The following SNTG1 variants were observed in gnomAD, a reference collection of about 807,000 sequenced individuals.
The protein encoded by SNTG1 is syntrophin gamma 1, also known as gamma-1-syntrophin.
A neutral mutation model predicts 74.7 loss-of-function variants in SNTG1; 39 were observed. The observed-to-expected ratio is 0.52, with a 90% CI of 0.40 to 0.68. The LOEUF (loss-of-function observed/expected upper bound fraction) is 0.68, where lower values mean the gene tolerates loss of function less well. Among genes scored for constraint, SNTG1 ranks in the 30% least tolerant of loss-of-function variants. SNTG1 has a pLI of 0.00. For missense variants in SNTG1, 685 were observed against 609.5 expected (o/e 1.12, Z -1.30); for synonymous variants, 254 against 217.1 (o/e 1.17, Z -1.49).
rs2095701063 is a variant in SNTG1 at position 50,794,873 on chromosome 8, T to A, written c.*2044T>A. 1 of 152,052 alleles carries A rather than the reference T, an allele frequency of 6.6e-6. No homozygotes were observed. Among genetic ancestry groups the A allele is most frequent in the Non-Finnish European group, 1.5e-5 (1 of 67,958 alleles). The allele number at this position is 152,052 out of a possible 1,614,324, so 9.4% of individuals were successfully genotyped here. On this transcript the variant is annotated 3_prime_UTR_variant, in exon 19 of 19. Transcript: ENST00000642720. ...TAGAATGATTTAAAAATTGTGAAAT[T>A]TTGTAAACGTTCCATTTTAGAATTT... is the stretch of plus-strand genomic sequence containing the variant.
At chr8:50,493,348 G>A (rs2093875377) in intron 8 of SNTG1, among the ~76,000 whole-genome samples, 1 of 152,178 alleles carries the variant, frequency 6.6e-6, no homozygotes, top group African/African-American at 2.4e-5. Flanking sequence ...GAGCTTTTGA[G>A]AGGCTGACTT....
At chr8:50,394,921 T>A (rs4376507) in intron 3 of SNTG1, among the ~76,000 whole-genome samples, 139,779 of 151,264 alleles carry the variant, frequency 0.92, 65,161 homozygotes, top group Non-Finnish European at 1. Flanking sequence ...ATACAAATAC[T>A]TGCAGCTTAA....
At chr8:50,701,855 T>C (rs997898711) in intron 15 of SNTG1, among the ~76,000 whole-genome samples, 2 of 150,220 alleles carry the variant, frequency 1.3e-5, no homozygotes, top group African/African-American at 4.9e-5. Flanking sequence ...TCCCTCTTCT[T>C]CTTCCTCTTT....
At chr8:49,980,849 TCA>T (rs1812614411) in intron 1 of SNTG1, among the ~76,000 whole-genome samples, 1 of 152,346 alleles carries the variant, frequency 6.6e-6, no homozygotes, top group African/African-American at 2.4e-5. Flanking sequence ...AGGGGTTCAT[TCA>T]CAGACTGTAC....
At chr8:50,477,513 A>G (rs2093706349) in intron 8 of SNTG1, among the ~76,000 whole-genome samples, 1 of 152,210 alleles carries the variant, frequency 6.6e-6, no homozygotes, top group South Asian at 2.1e-4. Flanking sequence ...ATCTGGAGAA[A>G]TTGTCAAATC....
At chr8:50,790,325 T>C (rs1198583127) in intron 18 of SNTG1, among the ~76,000 whole-genome samples, 1 of 151,986 alleles carries the variant, frequency 6.6e-6, no homozygotes, top group Non-Finnish European at 1.5e-5. Flanking sequence ...AGGAAGCATT[T>C]GGTATTTTAT....
At chr8:50,314,430 A>T (rs1366425518) in intron 2 of SNTG1, among the ~76,000 whole-genome samples, 3 of 149,630 alleles carry the variant, frequency 2.0e-5, no homozygotes, top group Admixed American at 1.4e-4. Flanking sequence ...CTTAGCCTTT[A>T]AAAAAAGTCC....
chr8:50,329,631 G>A (rs1041056606), intron 2 of SNTG1, among the ~76,000 whole-genome samples: 8 of 151,976 alleles, frequency 5.3e-5, no homozygotes, highest in African/African-American at 1.9e-4. Flanking sequence ...CAGCAGCCAG[G>A]TCCTGGGCCT....
At chr8:50,709,022 C>A in intron 17 of SNTG1, 44 bp downstream of exon 17, 1 of 1,374,786 alleles carries the variant, frequency 7.3e-7, no homozygotes, top group Non-Finnish European at 1.0e-6. Context: ...TGCAAACATT[C>A]TAATTGAAGA....
intron 18 of SNTG1, among the ~76,000 whole-genome samples, chr8:50,779,524 G>A (rs1397068290): frequency 1.3e-5 from 2 of 150,800 alleles, no homozygotes; most frequent in Non-Finnish European, 2.9e-5. Context: ...TGGTGTATAA[G>A]AATGCTTGTG....
intron 2 of SNTG1, among the ~76,000 whole-genome samples, chr8:50,343,955 T>C (rs2130953131): frequency 6.6e-6 from 1 of 151,002 alleles, no homozygotes; most frequent in African/African-American, 2.4e-5. Flanking sequence ...ATGGCTGGTG[T>C]TAGTCATCTG....
At chr8:50,572,070 T>TA (rs1226275609) in intron 12 of SNTG1, among the ~76,000 whole-genome samples, 1 of 152,076 alleles carries the variant, frequency 6.6e-6, no homozygotes, top group African/African-American at 2.4e-5. Context: ...CACCTGTGAC[T>TA]AAAAGTAATA....
intron 18 of SNTG1, among the ~76,000 whole-genome samples, chr8:50,769,014 C>G (rs1302291277): frequency 6.6e-6 from 1 of 151,912 alleles, no homozygotes; most frequent in Non-Finnish European, 1.5e-5. Context: ...AGATTTTAAA[C>G]TCCTGGGAAT....
intron 2 of SNTG1, among the ~76,000 whole-genome samples, chr8:50,306,849 T>G (rs540794426): frequency 2.8e-4 from 42 of 152,152 alleles, no homozygotes; most frequent in African/African-American, 9.4e-4. Context: ...TCTTTATTCT[T>G]ATGATTATTT....
chr8:50,539,846 C>CAGGT (rs2094333988), intron 11 of SNTG1, among the ~76,000 whole-genome samples: 1 of 152,152 alleles, frequency 6.6e-6, no homozygotes, highest in South Asian at 2.1e-4. Flanking sequence ...TGGATTTGGG[C>CAGGT]AGGTATTGCC....
intron 12 of SNTG1, among the ~76,000 whole-genome samples, chr8:50,554,919 T>A (rs547004914): frequency 3.8e-4 from 56 of 146,152 alleles, no homozygotes; most frequent in African/African-American, 1.5e-3. Context: ...AATCCAAAGT[T>A]TTTTTTCCTT....
At chr8:50,160,266 G>A (rs1204385695) in intron 1 of SNTG1, among the ~76,000 whole-genome samples, 1 of 152,114 alleles carries the variant, frequency 6.6e-6, no homozygotes, top group East Asian at 1.9e-4. Flanking sequence ...CATAAACGTT[G>A]TTACAGCAAA....
chr8:49,958,329 G>A (rs750000612), intron 1 of SNTG1, among the ~76,000 whole-genome samples: 7 of 152,164 alleles, frequency 4.6e-5, no homozygotes, highest in Non-Finnish European at 7.3e-5. Context: ...AATAGGGAGT[G>A]AAAGGACATC....
chr8:50,193,815 G>A (rs2083665693), intron 2 of SNTG1, among the ~76,000 whole-genome samples: 1 of 152,084 alleles, frequency 6.6e-6, no homozygotes, highest in Non-Finnish European at 1.5e-5. Flanking sequence ...GTTTGTCCTA[G>A]ATGACCTTCA....
Sources: gnomAD v4.1 joint callset for allele counts (sites outside exome capture counted in the v4.1 genomes callset) on GRCh38, gnomAD v4.1.1 for gene constraint, MANE v1.5 for transcripts, NCBI Gene and HGNC (gene_info 2026-07-23, HGNC 2026-07-21) for gene names.